The following FOXN3 variants were observed in gnomAD, a reference collection of about 807,000 sequenced individuals.
The protein encoded by FOXN3 is forkhead box N3, also known as forkhead box protein N3.
A neutral mutation model predicts 38.4 loss-of-function variants in FOXN3; 7 were observed. The observed-to-expected ratio is 0.18, with a 90% confidence interval of 0.10 to 0.34. The LOEUF (loss-of-function observed/expected upper bound fraction) is 0.34, where lower values mean the gene tolerates loss of function less well. Among genes scored for constraint, FOXN3 ranks in the 10% least tolerant of loss-of-function variants. FOXN3 has a pLI of 1.00. For synonymous variants in FOXN3, 230 were observed against 242.2 expected, an observed-to-expected ratio of 0.95 and a Z score of 0.47; for missense variants, 456 against 613.4, an observed-to-expected ratio of 0.74 and a Z score of 2.71.
At chr14:89,379,214 C>T (rs1159257258) in intron 2 of FOXN3, among the ~76,000 whole-genome samples, 1 of 152,160 alleles carries the variant, frequency 6.6e-6, no homozygotes, top group Non-Finnish European at 1.5e-5. Context: ...GCCATGCAGG[C>T]CTCTCCCCAT....
At chr14:89,528,129 T>C (rs1173906519) in intron 1 of FOXN3, among the ~76,000 whole-genome samples, 1 of 152,168 alleles carries the variant, frequency 6.6e-6, no homozygotes, top group African/African-American at 2.4e-5. Flanking sequence ...GTTGAACATA[T>C]ATCTACTATA....
intron 1 of FOXN3, among the ~76,000 whole-genome samples, chr14:89,539,530 A>G (rs892996391): frequency 6.6e-6 from 1 of 152,226 alleles, no homozygotes; most frequent in Admixed American, 6.5e-5. Flanking sequence ...AGTAGGGTCG[A>G]TAACAAAATT....
intron 1 of FOXN3, among the ~76,000 whole-genome samples, chr14:89,467,944 C>T (rs1280111632): frequency 6.6e-6 from 1 of 151,044 alleles, no homozygotes; most frequent in Non-Finnish European, 1.5e-5. Context: ...GCTAGCACTC[C>T]TGGCATTTTC....
intron 1 of FOXN3, among the ~76,000 whole-genome samples, chr14:89,490,341 T>C (rs1893547041): frequency 6.6e-6 from 1 of 152,244 alleles, no homozygotes; most frequent in Non-Finnish European, 1.5e-5. Flanking sequence ...GGATTGTTGT[T>C]GGATGACGGT....
intron 1 of FOXN3, among the ~76,000 whole-genome samples, chr14:89,592,860 G>A (rs1442036013): frequency 6.6e-6 from 1 of 152,096 alleles, no homozygotes; most frequent in East Asian, 1.9e-4. Flanking sequence ...GGCCAAAACA[G>A]GCTTATAGAG....
intron 3 of FOXN3, among the ~76,000 whole-genome samples, chr14:89,319,896 C>T (rs576810025): frequency 6.6e-6 from 1 of 152,158 alleles, no homozygotes; most frequent in Non-Finnish European, 1.5e-5. Context: ...TACAAATCAC[C>T]AACCAGGGCT....
At chr14:89,359,027 G>T (rs1889347542) in intron 2 of FOXN3, among the ~76,000 whole-genome samples, 1 of 152,152 alleles carries the variant, frequency 6.6e-6, no homozygotes, top group Non-Finnish European at 1.5e-5. Context: ...CAGCTCTCGG[G>T]CCAGGTGCAG....
rs568964003 is a variant in FOXN3, at chr14:89,305,908, T to G, written c.681-24894A>C. Among the ~76,000 whole-genome samples, 7 of 152,380 alleles carry G rather than the reference T, an allele frequency of 4.6e-5. No homozygotes were observed. In the East Asian group the frequency reaches 1.3e-3, roughly 29 times the overall value. On this transcript the variant is annotated intron_variant, in intron 3 of 5. Transcript: ENST00000557258. ...AGGATACTAAACAAAACCAGGTGTT[T>G]ATAATTTGTGGAAGCATGTCTTTTG...
chr14:89,290,457 C>T, intron 3 of FOXN3: 1 of 399,132 alleles, frequency 2.5e-6, no homozygotes, highest in African/African-American at 2.1e-5. Context: ...GCCCACCAAA[C>T]TGTCAAAGAC....
intron 3 of FOXN3, among the ~76,000 whole-genome samples, chr14:89,282,476 TCTTA>T (rs1408636657): frequency 6.6e-6 from 1 of 152,200 alleles, no homozygotes; most frequent in African/African-American, 2.4e-5. Flanking sequence ...TGGATTCTGA[TCTTA>T]CTGTTTCGGG....
chr14:89,601,405 C>T (rs1250517397), intron 1 of FOXN3, among the ~76,000 whole-genome samples: 1 of 152,184 alleles, frequency 6.6e-6, no homozygotes, highest in African/African-American at 2.4e-5. Context: ...TGTGTTTTCC[C>T]ATCCATAGTA....
intron 1 of FOXN3, among the ~76,000 whole-genome samples, chr14:89,584,368 G>A (rs1210554957): frequency 2.6e-5 from 4 of 151,924 alleles, no homozygotes; most frequent in Non-Finnish European, 4.4e-5. Context: ...ACCACTGTAC[G>A]CCAGCCTGGG....
intron 4 of FOXN3, among the ~76,000 whole-genome samples, chr14:89,191,865 T>G (rs1368249358): frequency 6.7e-6 from 1 of 150,280 alleles, no homozygotes; most frequent in Non-Finnish European, 1.5e-5. Flanking sequence ...ATAAGTACAT[T>G]ATATGAGAAA....
At chr14:89,293,433 C>T (rs1299931285) in intron 3 of FOXN3, among the ~76,000 whole-genome samples, 1 of 152,208 alleles carries the variant, frequency 6.6e-6, no homozygotes, top group African/African-American at 2.4e-5. Flanking sequence ...GGGCTGGTTC[C>T]TTCAGCAGGC....
At chr14:89,503,752 CTGTT>C (rs1893849837) in intron 1 of FOXN3, among the ~76,000 whole-genome samples, 1 of 152,186 alleles carries the variant, frequency 6.6e-6, no homozygotes, top group Non-Finnish European at 1.5e-5. Flanking sequence ...CCCCGCAGCT[CTGTT>C]TGGTCACTGG....
At chr14:89,229,707 G>C (rs1884750010) in intron 4 of FOXN3, among the ~76,000 whole-genome samples, 2 of 152,214 alleles carry the variant, frequency 1.3e-5, no homozygotes, top group South Asian at 4.1e-4. Flanking sequence ...TCCGTGTGCA[G>C]TGCTGGGTAC....
At chr14:89,464,783 C>T (rs757971891) in intron 1 of FOXN3, among the ~76,000 whole-genome samples, 4 of 152,122 alleles carry the variant, frequency 2.6e-5, no homozygotes, top group Non-Finnish European at 4.4e-5. Flanking sequence ...CTGCAACCTC[C>T]ACCTCCGGGG....
At chr14:89,416,351 G>A (rs955090695) in intron 1 of FOXN3, among the ~76,000 whole-genome samples, 11 of 152,214 alleles carry the variant, frequency 7.2e-5, no homozygotes, top group Non-Finnish European at 1.0e-4. Flanking sequence ...ACCGCGGCGA[G>A]CCTCGAAAAC....
chr14:89,381,851 G>A (rs1890657883), intron 2 of FOXN3, among the ~76,000 whole-genome samples: 2 of 151,990 alleles, frequency 1.3e-5, no homozygotes, highest in Non-Finnish European at 2.9e-5. Context: ...CAGAGAAGGA[G>A]GGGAGGGGAG....
Sources: allele counts gnomAD v4.1 joint callset (sites outside exome capture counted in the v4.1 genomes callset), GRCh38; gene constraint gnomAD v4.1.1; transcripts MANE v1.5; gene names NCBI Gene and HGNC (gene_info 2026-07-23, HGNC 2026-07-21).